Variants in NAV2 observed in about 807,000 individuals in gnomAD.
NAV2 encodes the protein helicase, APC down-regulated 1.
NAV2 carries 54 observed loss-of-function variants against 223.2 expected under a neutral mutation model. The observed-to-expected ratio is 0.24, with a 90% CI of 0.19 to 0.30. The LOEUF is 0.30. Ranked by LOEUF, NAV2 falls within the 10% of genes least tolerant of loss-of-function variation. The pLI, the probability that NAV2 is intolerant of heterozygous loss-of-function variation, is 1.00. For missense variants in NAV2, 2,806 were observed against 3,147.5 expected, an observed-to-expected ratio of 0.89 and a Z score of 2.60; for synonymous variants, 1,279 against 1,239.3, an observed-to-expected ratio of 1.03 and a Z score of -0.67.
At chr11:19,625,277 A>G (rs1189698571) in intron 1 of NAV2, among the ~76,000 whole-genome samples, 1 of 152,204 alleles carries the variant, frequency 6.6e-6, no homozygotes, top group Non-Finnish European at 1.5e-5. Context: ...TTCAATGAGA[A>G]CAACTTTTTT....
rs1030488573 is a variant in NAV2 at position 20,107,590 on chromosome 11, G to T, written c.6842-74G>T. 5 of 1,213,258 alleles carry T rather than the reference G, an allele frequency of 4.1e-6. No homozygotes were observed. In the South Asian group the frequency reaches 6.3e-5, roughly 15 times the overall value. The allele number at this position is 1,213,258 out of a possible 1,614,324, so 75.2% of individuals were successfully genotyped here. On this transcript the variant is annotated intron_variant, in intron 35 of 37. Coordinates refer to ENST00000349880, the MANE Select transcript of NAV2 (RefSeq NM_145117.5). ...AGGGTCCCTCCTGTGAAGGGTGCTC[G>T]GACCATGGCTTCACCTGATGCCCCA...
chr11:19,675,990 G>A (rs1298584266), intron 1 of NAV2, among the ~76,000 whole-genome samples: 1 of 152,190 alleles, frequency 6.6e-6, no homozygotes, highest in Non-Finnish European at 1.5e-5. Context: ...ACAGATGTGG[G>A]AGGCTCTGGC....
chr11:19,532,200 G>A (rs1194083191), intron 1 of NAV2, among the ~76,000 whole-genome samples: 4 of 152,190 alleles, frequency 2.6e-5, no homozygotes, highest in African/African-American at 9.7e-5. Flanking sequence ...CCACTGTGGA[G>A]CTGCTCTGCA....
chr11:19,893,617 A>C (rs1268980155), intron 6 of NAV2, among the ~76,000 whole-genome samples: 1 of 152,210 alleles, frequency 6.6e-6, no homozygotes, highest in Non-Finnish European at 1.5e-5. Context: ...TAATCACTCT[A>C]TCTTTTCCTC....
At chr11:19,705,435 T>G (rs567269141) in intron 1 of NAV2, among the ~76,000 whole-genome samples, 29 of 152,336 alleles carry the variant, frequency 1.9e-4, no homozygotes, top group Admixed American at 8.5e-4. Flanking sequence ...AAGACATTCT[T>G]AATTAAATTT....
intron 1 of NAV2, among the ~76,000 whole-genome samples, chr11:19,680,802 C>T (rs2048861003): frequency 6.6e-6 from 1 of 152,232 alleles, no homozygotes; most frequent in Admixed American, 6.5e-5. Flanking sequence ...CACGGCTCTT[C>T]TGCTCAGGAA....
chr11:20,035,376 G>A (rs1321535528), intron 11 of NAV2, among the ~76,000 whole-genome samples: 1 of 152,174 alleles, frequency 6.6e-6, no homozygotes, highest in Non-Finnish European at 1.5e-5. Flanking sequence ...GACCTCATTC[G>A]GTTGGAGGGT....
chr11:19,996,141 C>T (rs759849954), intron 11 of NAV2, among the ~76,000 whole-genome samples: 8 of 152,218 alleles, frequency 5.3e-5, no homozygotes, highest in Non-Finnish European at 8.8e-5. Context: ...CCCAAAGCCA[C>T]AGTGCTATAA....
upstream of NAV2, chr11:19,711,122 G>A (rs528245940): frequency 6.6e-6 from 1 of 152,350 alleles, no homozygotes; most frequent in African/African-American, 2.4e-5. Context: ...AACAGACATA[G>A]ACAGGGCCGT....
chr11:19,886,597 G>A (rs2041000423), intron 5 of NAV2, among the ~76,000 whole-genome samples: 1 of 152,248 alleles, frequency 6.6e-6, no homozygotes, highest in African/African-American at 2.4e-5. Context: ...GGGGAGGGAT[G>A]AGCTGGGAGG....
At position 19,832,722 on chromosome 11, in the gene NAV2, A is replaced by C. The variant is rs1029446456; in HGVS notation, c.385+121A>C. 5 of 770,440 alleles carry C rather than the reference A, an allele frequency of 6.5e-6. No individual in the cohort carries two copies. The African/African-American group carries it at 6.9e-5, about 11-fold the overall frequency. The allele number at this position is 770,440 out of a possible 1,614,324, so 47.7% of individuals were successfully genotyped here. On this transcript the variant is annotated intron_variant, in intron 2 of 37. Coordinates refer to ENST00000349880, the MANE Select transcript of NAV2 (RefSeq NM_145117.5). ...GCAGCTTTCTGTCTCATGTCTTGAC[A>C]ATTTATTTGATTTGTGTTTTGACTA...
intron 1 of NAV2, among the ~76,000 whole-genome samples, chr11:19,825,515 A>G (rs186873727): frequency 1.3e-5 from 2 of 152,216 alleles, no homozygotes; most frequent in Admixed American, 1.3e-4. Flanking sequence ...TGGAGCTGCT[A>G]ACCTGATGCC....
intron 1 of NAV2, among the ~76,000 whole-genome samples, chr11:19,551,619 T>C (rs983290660): frequency 1.7e-4 from 26 of 152,194 alleles, no homozygotes; most frequent in African/African-American, 5.6e-4. Context: ...CACCGCGTGG[T>C]TCAGAATAGT....
At chr11:19,483,325 G>C (rs2134013302) in intron 1 of NAV2, among the ~76,000 whole-genome samples, 1 of 152,308 alleles carries the variant, frequency 6.6e-6, no homozygotes, top group Non-Finnish European at 1.5e-5. Flanking sequence ...TTTTCCCAGT[G>C]TATTTTTTCT....
chr11:19,794,872 C>T (rs1317128825), intron 1 of NAV2, among the ~76,000 whole-genome samples: 1 of 152,188 alleles, frequency 6.6e-6, no homozygotes, highest in Non-Finnish European at 1.5e-5. Context: ...TTATTGCAAA[C>T]CTTTCCCCTC....
chr11:19,384,723 A>G (rs188594154), intron 1 of NAV2: 5 of 152,354 alleles, frequency 3.3e-5, no homozygotes. Flanking sequence ...GAAGACCACA[A>G]GATGAAAACT....
chr11:19,814,209 GC>G (rs2058976016), intron 1 of NAV2, among the ~76,000 whole-genome samples: 1 of 152,220 alleles, frequency 6.6e-6, no homozygotes, highest in Admixed American at 6.5e-5. Context: ...AACAGGTGTG[GC>G]AGGTTTCGCT....
intron 1 of NAV2, among the ~76,000 whole-genome samples, chr11:19,645,033 T>C (rs1369017677): frequency 6.6e-6 from 1 of 152,210 alleles, no homozygotes; most frequent in East Asian, 1.9e-4. Flanking sequence ...TATGAAAATT[T>C]TGTGGCTTAA....
intron 1 of NAV2, among the ~76,000 whole-genome samples, chr11:19,792,359 C>T (rs1301273923): frequency 6.6e-6 from 1 of 152,250 alleles, no homozygotes; most frequent in Non-Finnish European, 1.5e-5. Flanking sequence ...CTCCTCCTGC[C>T]CTCCGAAGGA....
Sources: allele counts gnomAD v4.1 joint callset (sites outside exome capture counted in the v4.1 genomes callset), GRCh38; gene constraint gnomAD v4.1.1; transcripts MANE v1.5; gene names NCBI Gene and HGNC (gene_info 2026-07-23, HGNC 2026-07-21).